Variants in TXNDC11 observed in about 807,000 individuals in gnomAD.
TXNDC11 encodes thioredoxin domain containing 11.
TXNDC11 carries 68 observed loss-of-function variants against 78.0 expected under a neutral mutation model. The ratio of observed to expected loss-of-function variants is 0.87; its 90% CI spans 0.72 to 1.07. TXNDC11 has a LOEUF of 1.07. TXNDC11 is among the 50% of genes least tolerant of loss of function. The probability of loss-of-function intolerance (pLI) is 0.00; values close to 1 mark genes in which losing one functional copy is unlikely to be tolerated. For synonymous variants in TXNDC11, 571 were observed against 495.2 expected (o/e 1.15, Z -2.03); for missense variants, 1,389 against 1,221.8 (o/e 1.14, Z -2.04).
chr16:11,693,631 T>C (rs1310029811), intron 7 of TXNDC11, among the ~76,000 whole-genome samples: 1 of 152,218 alleles, frequency 6.6e-6, no homozygotes, highest in African/African-American at 2.4e-5. Context: ...GTTTCAATAG[T>C]TCTCGGCATA....
At chr16:11,709,855 T>C (rs973041777) in intron 5 of TXNDC11, among the ~76,000 whole-genome samples, 1 of 152,178 alleles carries the variant, frequency 6.6e-6, no homozygotes, top group African/African-American at 2.4e-5. Flanking sequence ...ATACTTAACC[T>C]GACAGTAAAA....
chr16:11,730,020 G>C (rs1410944225), intron 4 of TXNDC11, among the ~76,000 whole-genome samples: 1 of 151,916 alleles, frequency 6.6e-6, no homozygotes, highest in Non-Finnish European at 1.5e-5. Context: ...CTTGAACCCA[G>C]GAAGTGGAGT....
chr16:11,717,131 A>G (rs1305978483), intron 5 of TXNDC11, among the ~76,000 whole-genome samples: 1 of 151,782 alleles, frequency 6.6e-6, no homozygotes, highest in Non-Finnish European at 1.5e-5. Flanking sequence ...AAAGCAAGAA[A>G]AACTAACCAG....
chr16:11,727,039 C>T (rs956318991), intron 4 of TXNDC11, among the ~76,000 whole-genome samples: 10 of 152,038 alleles, frequency 6.6e-5, no homozygotes, highest in Admixed American at 5.2e-4. Context: ...GGAGACAGAG[C>T]GAGACTCTGT....
At position 11,700,686 on chromosome 16, in the gene TXNDC11, T is replaced by C. The variant is rs144728452; in HGVS notation, c.794-122A>G. The C allele has an allele frequency of 2.9e-4, 168 of 576,224 alleles. No homozygotes were observed. The East Asian group carries it at 3.7e-3, about 13-fold the overall frequency. The allele number at this position is 576,224 out of a possible 1,614,324, so 35.7% of individuals were successfully genotyped here. ...CTAAGCTCCTTCTGGTAACCTAGCC[T>C]AGAGAGGGAAGGAAGAGGCGCTGAG... On this transcript the variant is annotated intron_variant, in intron 5 of 11. Transcript: ENST00000283033.
At chr16:11,716,140 G>A (rs528771409) in intron 5 of TXNDC11, among the ~76,000 whole-genome samples, 24 of 152,356 alleles carry the variant, frequency 1.6e-4, no homozygotes, top group African/African-American at 5.8e-4. Context: ...ACCAGGAGCA[G>A]ACAAAGGGTA....
At chr16:11,741,332 C>T (rs2052384610) in intron 1 of TXNDC11, among the ~76,000 whole-genome samples, 1 of 152,136 alleles carries the variant, frequency 6.6e-6, no homozygotes, top group Non-Finnish European at 1.5e-5. Context: ...TTTGGGAGAC[C>T]AGAAGTACAC....
intron 1 of TXNDC11, among the ~76,000 whole-genome samples, chr16:11,737,422 G>A (rs1234061101): frequency 1.3e-5 from 2 of 151,098 alleles, no homozygotes; most frequent in East Asian, 1.9e-4. Context: ...TCCAGCCTAG[G>A]TGACTAGAAC....
chr16:11,707,466 A>C (rs1327070024), intron 5 of TXNDC11, among the ~76,000 whole-genome samples: 1 of 131,670 alleles, frequency 7.6e-6, no homozygotes, highest in Non-Finnish European at 1.7e-5. Context: ...TTTTTTTTTT[A>C]AAGACAGAGT....
chr16:11,732,952 T>G (rs2052097871), intron 3 of TXNDC11, among the ~76,000 whole-genome samples: 1 of 152,164 alleles, frequency 6.6e-6, no homozygotes, highest in South Asian at 2.1e-4. Context: ...CTGAACAAAG[T>G]CCAAAGTCCT....
chr16:11,733,542 T>C (rs1490275656), intron 3 of TXNDC11, among the ~76,000 whole-genome samples: 2 of 151,870 alleles, frequency 1.3e-5, no homozygotes, highest in East Asian at 1.9e-4. Flanking sequence ...AAAAAAAGAA[T>C]TGTGGACATG....
At chr16:11,717,108 GAAAA>G (rs200390869) in intron 5 of TXNDC11, among the ~76,000 whole-genome samples, 30 of 132,690 alleles carry the variant, frequency 2.3e-4, no homozygotes, top group African/African-American at 8.0e-4. Flanking sequence ...AGATTTTCAG[GAAAA>G]AAAAAAAAAA....
At chr16:11,703,769 A>C in intron 5 of TXNDC11, 1 of 700,492 alleles carries the variant, frequency 1.4e-6, no homozygotes, top group South Asian at 1.5e-5. Context: ...AAGAAAGTAC[A>C]AGATAAGCCT....
At chr16:11,713,894 T>A (rs1383402432) in intron 5 of TXNDC11, among the ~76,000 whole-genome samples, 1 of 152,064 alleles carries the variant, frequency 6.6e-6, no homozygotes, top group Non-Finnish European at 1.5e-5. Flanking sequence ...CCGAGAACTG[T>A]TAAACTCAAT....
chr16:11,734,113 GA>G, intron 2 of TXNDC11, 34 bp from the exon 3 acceptor site: 1 of 1,349,422 alleles, frequency 7.4e-7, no homozygotes, highest in Non-Finnish European at 1.0e-6. Context: ...AAATGACTAT[GA>G]ATAACAACTG....
At chr16:11,721,071 T>C (rs1369511856) in intron 5 of TXNDC11, among the ~76,000 whole-genome samples, 1 of 151,766 alleles carries the variant, frequency 6.6e-6, no homozygotes, top group Non-Finnish European at 1.5e-5. Flanking sequence ...AGCAAAACAT[T>C]TGCGAGACTA....
rs760663585 is a variant in TXNDC11, at chr16:11,736,086, G to A, written c.402C>T (p.Ala134=). 2.5e-6 allele frequency: 4 copies of A among 1,614,106 alleles called. No individual in the cohort carries two copies. The South Asian group carries it at 4.4e-5, about 18-fold the overall frequency. ...CAGCGATGGACTGTCCACACCAAGG[G>A]GCATAGAAGAAGAGCAGTACCACCT... ...DSEVVLLFFY[A]PWCGQSIAAR... Residue 134 remains alanine, a synonymous_variant, in exon 2 of 12, where the codon GCC becomes GCT. Transcript: ENST00000283033.
At chr16:11,688,004 A>AT (rs753481857) in intron 9 of TXNDC11, 38 bp from the exon 10 acceptor site, 1 of 1,444,546 alleles carries the variant, frequency 6.9e-7, no homozygotes, top group South Asian at 1.2e-5. Context: ...TTGCACCGGG[A>AT]AATGGGCTCT....
chr16:11,730,234 T>C (rs913931706), intron 4 of TXNDC11, among the ~76,000 whole-genome samples: 17 of 152,192 alleles, frequency 1.1e-4, no homozygotes, highest in African/African-American at 4.1e-4. Context: ...AGGGAACATA[T>C]TTCCAGTTTT....
Sources: allele counts gnomAD v4.1 joint callset (sites outside exome capture counted in the v4.1 genomes callset), GRCh38; gene constraint gnomAD v4.1.1; transcripts MANE v1.5; gene names NCBI Gene and HGNC (gene_info 2026-07-23, HGNC 2026-07-21).